The following SPHKAP variants were observed in gnomAD, a reference collection of about 807,000 sequenced individuals.
SPHKAP encodes SPHK1 interactor, AKAP domain containing.
In SPHKAP, 67 loss-of-function variants were observed where a neutral mutation model predicts 137.5. The ratio of observed to expected loss-of-function variants is 0.49; its 90% confidence interval spans 0.40 to 0.60. SPHKAP has a LOEUF of 0.60. SPHKAP is among the 20% of genes least tolerant of loss of function. The pLI is 0.00. For synonymous variants in SPHKAP, 813 were observed against 785.3 expected (o/e 1.04, Z -0.59); for missense variants, 2,097 against 2,069.3 (o/e 1.01, Z -0.26).
intron 3 of SPHKAP, among the ~76,000 whole-genome samples, chr2:228,039,067 G>T (rs537026398): frequency 2.0e-5 from 3 of 152,292 alleles, no homozygotes; most frequent in East Asian, 3.9e-4. Flanking sequence ...ACCCATAAAA[G>T]GTGCTAACAT....
At position 228,131,930 on chromosome 2, in the gene SPHKAP, G is replaced by T. The variant is rs200288094; in HGVS notation, c.138+50C>A. ...GAGTGCTTAAAATTTCGAATTAAAT[G>T]AATATTCAAGTTCAACTGACAAGAA... is the stretch of plus-strand genomic sequence containing the variant. On this transcript the variant is annotated intron_variant, in intron 2 of 11. Coordinates refer to ENST00000392056, the MANE Select transcript of SPHKAP (RefSeq NM_001142644.2). The T allele has an allele frequency of 5.0e-5, 78 of 1,574,604 alleles. No homozygotes were observed. In the African/African-American group the frequency reaches 8.9e-4, roughly 18 times the overall value.
chr2:228,131,049 A>G (rs576961564), intron 2 of SPHKAP, among the ~76,000 whole-genome samples: 52 of 152,228 alleles, frequency 3.4e-4, no homozygotes, highest in African/African-American at 1.2e-3. Context: ...AAACTTATAC[A>G]AAAGTCACAC....
chr2:228,133,625 C>T (rs1192079224), intron 1 of SPHKAP, among the ~76,000 whole-genome samples: 1 of 152,090 alleles, frequency 6.6e-6, no homozygotes, highest in Non-Finnish European at 1.5e-5. Flanking sequence ...TCTGATAGTT[C>T]TGTATAAAAT....
chr2:228,162,978 T>C (rs1700319205), intron 1 of SPHKAP, among the ~76,000 whole-genome samples: 1 of 152,158 alleles, frequency 6.6e-6, no homozygotes, highest in Non-Finnish European at 1.5e-5. Flanking sequence ...TGATTACAGG[T>C]GTGAGTCACG....
At chr2:228,124,014 C>A (rs1698995508) in intron 2 of SPHKAP, among the ~76,000 whole-genome samples, 1 of 151,824 alleles carries the variant, frequency 6.6e-6, no homozygotes, top group South Asian at 2.1e-4. Flanking sequence ...CAGAGAAATG[C>A]AAATCAAAAC....
chr2:228,109,835 T>C (rs10202596), intron 2 of SPHKAP, among the ~76,000 whole-genome samples: 52,183 of 151,178 alleles, frequency 0.35, 9,262 homozygotes, highest in East Asian at 0.5. Flanking sequence ...GGCGTGGTGG[T>C]GCGCCCCTGT....
intron 9 of SPHKAP, 55 bp downstream of exon 9, chr2:227,993,479 C>T (rs1693497248): frequency 2.7e-6 from 4 of 1,469,724 alleles, no homozygotes; most frequent in Middle Eastern, 1.7e-4. Flanking sequence ...AAATGGATTG[C>T]CAGATGGAAT....
rs200357217 is a variant in SPHKAP at position 228,017,324 on chromosome 2, C to T, written c.3530G>A (p.Arg1177Lys). ...GGACTGCTTAGAGGGACAGCTAGGCCTCACACTGAGGTGGTCACTTTTCCG... is the reference window on the plus strand; with the variant it reads ...GGACTGCTTAGAGGGACAGCTAGGCTTCACACTGAGGTGGTCACTTTTCCG... ...ACRKSDHLSV[R>K]PSCPSKQSST... Residue 1177 changes from arginine (R) to lysine (K), a missense_variant, in exon 7 of 12, where the codon AGG becomes AAG. Arg to Lys is a conservative substitution (Grantham distance 26). Coordinates refer to ENST00000392056, the MANE Select transcript of SPHKAP (RefSeq NM_001142644.2). 3.7e-6 allele frequency: 6 copies of T among 1,613,830 alleles called. No homozygotes were observed. The East Asian group carries it at 1.3e-4, about 36-fold the overall frequency.
At chr2:228,072,084 G>C (rs1447309173) in intron 3 of SPHKAP, among the ~76,000 whole-genome samples, 1 of 152,160 alleles carries the variant, frequency 6.6e-6, no homozygotes, top group African/African-American at 2.4e-5. Context: ...AAAAGTGGAG[G>C]AAGGGTGAAT....
chr2:228,110,933 TTC>T (rs1441524721), intron 2 of SPHKAP, among the ~76,000 whole-genome samples: 4 of 152,150 alleles, frequency 2.6e-5, no homozygotes, highest in African/African-American at 4.8e-5. Context: ...TTAATTTAAA[TTC>T]TGTTTTATTT....
chr2:228,103,775 TA>T (rs1472788666), intron 3 of SPHKAP, among the ~76,000 whole-genome samples: 5 of 152,170 alleles, frequency 3.3e-5, no homozygotes, highest in Non-Finnish European at 5.9e-5. Context: ...GTTAAATAAG[TA>T]TTTAAAGAAT....
At chr2:228,005,584 A>G (rs1262009187) in intron 7 of SPHKAP, among the ~76,000 whole-genome samples, 1 of 152,136 alleles carries the variant, frequency 6.6e-6, no homozygotes, top group Non-Finnish European at 1.5e-5. Flanking sequence ...GATTTTGATC[A>G]TGTCTTTATG....
At chr2:228,129,139 C>T (rs13425118) in intron 2 of SPHKAP, among the ~76,000 whole-genome samples, 52,000 of 151,918 alleles carry the variant, frequency 0.34, 9,175 homozygotes, top group East Asian at 0.51. Context: ...ATCACAGTAA[C>T]GTCGAAGATC....
rs775149928 is a variant in SPHKAP, at chr2:228,181,627, G to A, written c.-29C>T. The A allele has an allele frequency of 3.3e-5, 54 of 1,614,024 alleles. No individual in the cohort carries two copies. In the South Asian group the frequency reaches 5.5e-4, roughly 16 times the overall value. On this transcript the variant is annotated 5_prime_UTR_variant, in exon 1 of 12. Coordinates refer to ENST00000392056, the MANE Select transcript of SPHKAP (RefSeq NM_001142644.2). This position sits in a 1 kb window ranked among gnomAD's most constrained non-coding sequence, Gnocchi z 4.3. ...TGGTGGGCGCCCAGAGAAGAAAGACGGAAAGTGCAGGCGAAGGATAAGTCT... is the reference window on the plus strand; with the variant it reads ...TGGTGGGCGCCCAGAGAAGAAAGACAGAAAGTGCAGGCGAAGGATAAGTCT...
chr2:228,100,753 A>G (rs6436751), intron 3 of SPHKAP, among the ~76,000 whole-genome samples: 152,309 of 152,314 alleles, frequency 1, 76,152 homozygotes, highest in Non-Finnish European at 1. Flanking sequence ...CTAATATTTT[A>G]TTGGGGTTTT....
chr2:228,109,777 C>T (rs1250186307), intron 2 of SPHKAP, among the ~76,000 whole-genome samples: 1 of 151,746 alleles, frequency 6.6e-6, no homozygotes, highest in Non-Finnish European at 1.5e-5. Context: ...ACCAGCCTGG[C>T]TAACATGGTG....
chr2:228,133,360 A>C (rs1234225045), intron 1 of SPHKAP, among the ~76,000 whole-genome samples: 1 of 151,920 alleles, frequency 6.6e-6, no homozygotes, highest in African/African-American at 2.4e-5. Context: ...TTACTTCTAC[A>C]TTTTCAACAC....
chr2:228,040,914 AC>A (rs1695815749), intron 3 of SPHKAP, among the ~76,000 whole-genome samples: 1 of 152,192 alleles, frequency 6.6e-6, no homozygotes, highest in South Asian at 2.1e-4. Context: ...ATTTTAAAGA[AC>A]TGCTAGTAGC....
chr2:228,119,456 T>TACACACACACACACACACAC (rs55846474), intron 2 of SPHKAP, among the ~76,000 whole-genome samples: 2,761 of 137,020 alleles, frequency 0.02, 32 homozygotes, highest in Admixed American at 0.034. Flanking sequence ...AAGCCTAGTA[T>TACACACACACACACACACAC]ACACACACAC....
Sources: gnomAD v4.1 joint callset for allele counts (sites outside exome capture counted in the v4.1 genomes callset) on GRCh38, gnomAD v4.1.1 for gene constraint, Gnocchi (gnomAD v3.1) non-coding constraint, MANE v1.5 for transcripts, NCBI Gene and HGNC (gene_info 2026-07-23, HGNC 2026-07-21) for gene names.